USH2A: variants seen among roughly 807,000 people sequenced by gnomAD.
The protein encoded by USH2A is Usher syndrome 2A (autosomal recessive, mild).
A neutral mutation model predicts 538.9 loss-of-function variants in USH2A; 443 were observed. That is an observed-to-expected ratio of 0.82 (90% confidence interval 0.76 to 0.89). USH2A has a LOEUF of 0.89. Ranked by LOEUF, USH2A falls within the 40% of genes least tolerant of loss-of-function variation. The pLI is 0.00. For missense variants in USH2A, 6,633 were observed against 6,324.8 expected, an observed-to-expected ratio of 1.05 and a Z score of -1.65; for synonymous variants, 2,413 against 2,273.5, an observed-to-expected ratio of 1.06 and a Z score of -1.75.
chr1:216,057,890 T>G (rs886399867), intron 30 of USH2A, among the ~76,000 whole-genome samples: 5 of 152,118 alleles, frequency 3.3e-5, no homozygotes, highest in South Asian at 2.1e-4. Flanking sequence ...ATAAAAACAC[T>G]TTTTACCTGG....
At chr1:215,732,975 T>C (rs1460161104) in intron 60 of USH2A, among the ~76,000 whole-genome samples, 1 of 152,170 alleles carries the variant, frequency 6.6e-6, no homozygotes, top group Non-Finnish European at 1.5e-5. Context: ...ACCTCTTTTT[T>C]CTAATTTGTA....
At position 216,175,322 on chromosome 1, in the gene USH2A, T is replaced by A; in HGVS notation, c.4557A>T (p.Gly1519=). ...AATACCCATTTCCTATGAAACGGAT[T>A]CCTTTCATCATCGTGGTCATCAGAG... ...LPALMTTMMK[G]IRFIGNGYCK... Residue 1519 remains glycine (G), a synonymous_variant, in exon 21 of 72, where the codon GGA becomes GGT. Coordinates refer to ENST00000307340, the MANE Select transcript of USH2A (RefSeq NM_206933.4). 1 of 1,613,822 alleles carries A rather than the reference T, an allele frequency of 6.2e-7. No individual in the cohort carries two copies. The highest frequency in any genetic ancestry group is 1.3e-5 in the African/African-American group (1 of 75,032).
intron 40 of USH2A, among the ~76,000 whole-genome samples, chr1:215,897,163 G>C (rs1665368626): frequency 6.6e-6 from 1 of 152,106 alleles, no homozygotes; most frequent in South Asian, 2.1e-4. Flanking sequence ...CTCATTGCCT[G>C]CCTAGATTTC....
intron 21 of USH2A, among the ~76,000 whole-genome samples, chr1:216,151,821 C>T (rs544377116): frequency 2.8e-3 from 431 of 152,276 alleles, no homozygotes; most frequent in African/African-American, 9.5e-3. Context: ...CAAGTAATTA[C>T]GCTGAACCCC....
At chr1:216,368,813 T>G (rs977585593) in intron 3 of USH2A, among the ~76,000 whole-genome samples, 4 of 152,162 alleles carry the variant, frequency 2.6e-5, no homozygotes, top group Admixed American at 6.5e-5. Context: ...GTATAACGTA[T>G]TTTTGGACCT....
chr1:215,993,526 AC>A (rs1668056859), intron 34 of USH2A, among the ~76,000 whole-genome samples: 1 of 151,968 alleles, frequency 6.6e-6, no homozygotes, highest in Non-Finnish European at 1.5e-5. Flanking sequence ...ACACACACAC[AC>A]ACACACACAC....
Position 216,000,519 on chromosome 1 carries a change from G to A in USH2A, c.6369C>T (p.Cys2123=), listed in dbSNP as rs111033472. 2.9e-3 allele frequency: 4,744 copies of A among 1,613,642 alleles called. 89 individuals are homozygous for A. The African/African-American group carries it at 0.049, about 17-fold the overall frequency. Residue 2123 remains cysteine (C), a synonymous_variant, in exon 33 of 72, where the codon TGC becomes TGT. Coordinates refer to ENST00000307340, the MANE Select transcript of USH2A (RefSeq NM_206933.4). ...FTPHQFLLSA[C]THVGCTNSSW... is the part of the protein sequence containing the mutation. ...AACTGTTTGTACAGCCCACATGTGTGCATGCACTTAGTAGAAACTGGTGGG... is the reference window on the plus strand; with the variant it reads ...AACTGTTTGTACAGCCCACATGTGTACATGCACTTAGTAGAAACTGGTGGG...
At chr1:216,375,683 A>G (rs2038804296) in intron 3 of USH2A, among the ~76,000 whole-genome samples, 1 of 151,962 alleles carries the variant, frequency 6.6e-6, no homozygotes, top group African/African-American at 2.4e-5. Flanking sequence ...CCCTCAAGAA[A>G]TTTTCCTTTG....
intron 64 of USH2A, among the ~76,000 whole-genome samples, chr1:215,653,899 G>A (rs1324637788): frequency 6.6e-6 from 1 of 152,060 alleles, no homozygotes; most frequent in African/African-American, 2.4e-5. Flanking sequence ...ATCCCACATA[G>A]AAAACTTTTT....
At chr1:216,250,075 C>T (rs1209435831) in intron 12 of USH2A, among the ~76,000 whole-genome samples, 1 of 152,142 alleles carries the variant, frequency 6.6e-6, no homozygotes, top group East Asian at 1.9e-4. Context: ...CATCAGGAAA[C>T]TTTCCTCTCA....
At chr1:215,905,578 C>T (rs1019337686) in intron 38 of USH2A, among the ~76,000 whole-genome samples, 3 of 151,988 alleles carry the variant, frequency 2.0e-5, no homozygotes, top group African/African-American at 4.8e-5. Flanking sequence ...ATAAATGCTA[C>T]GGGGGACTCG....
chr1:215,832,982 T>C (rs918632690), intron 47 of USH2A, among the ~76,000 whole-genome samples: 1 of 151,870 alleles, frequency 6.6e-6, no homozygotes, highest in Non-Finnish European at 1.5e-5. Flanking sequence ...CCCAAATAAG[T>C]AATTAGGTAT....
At chr1:216,237,675 T>C (rs1285650088) in intron 13 of USH2A, among the ~76,000 whole-genome samples, 1 of 152,144 alleles carries the variant, frequency 6.6e-6, no homozygotes, top group Non-Finnish European at 1.5e-5. Context: ...TTGTGCATAT[T>C]AAATGAAAGT....
rs1345028142 is a variant in USH2A at position 216,275,152 on chromosome 1, T to C, written c.1971+14128A>G. Reference sequence around the variant, plus strand: ...CATTATTCTCTCTCTCTCTCTCTTTTTTTTTGGATGGTTTAGGTCTATTTC... The same window carrying C: ...CATTATTCTCTCTCTCTCTCTCTTTCTTTTTGGATGGTTTAGGTCTATTTC... On this transcript the variant is annotated intron_variant, in intron 11 of 71. Coordinates refer to ENST00000307340, the MANE Select transcript of USH2A (RefSeq NM_206933.4). Among the ~76,000 whole-genome samples the C allele has an allele frequency of 2.6e-5, 4 of 152,180 alleles. No homozygotes were observed. The East Asian group carries it at 5.8e-4, about 22-fold the overall frequency.
At chr1:215,978,842 T>C (rs1667681898) in intron 35 of USH2A, among the ~76,000 whole-genome samples, 1 of 152,180 alleles carries the variant, frequency 6.6e-6, no homozygotes, top group Non-Finnish European at 1.5e-5. Flanking sequence ...ATATGTGAAA[T>C]ACCTATGTCT....
chr1:216,329,537 G>A (rs1288050081), intron 4 of USH2A, among the ~76,000 whole-genome samples: 5 of 152,108 alleles, frequency 3.3e-5, no homozygotes, highest in African/African-American at 1.2e-4. Context: ...AGCTGGGCCT[G>A]TGTCCCGTTT....
chr1:216,190,240 C>G lies in USH2A; in HGVS notation c.4379G>C (p.Gly1460Ala). The G allele has an allele frequency of 6.2e-7, 1 of 1,612,318 alleles. No homozygotes were observed. Among genetic ancestry groups the G allele is most frequent in the Non-Finnish European group, 8.5e-7 (1 of 1,178,968 alleles). ...TTGCTTACCTGCTGCTAAAGTTTGT[C>G]CTGCTCCCGAAGCACTGGTCACACA... ...VGCVTSASGA[G>A]QTLAAAPAQL... is the part of the protein sequence containing the mutation. Residue 1460 changes from glycine to alanine, a missense_variant, in exon 20 of 72, where the codon GGA becomes GCA. Coordinates refer to ENST00000307340, the MANE Select transcript of USH2A (RefSeq NM_206933.4).
intron 58 of USH2A, among the ~76,000 whole-genome samples, chr1:215,754,280 C>T (rs536316274): frequency 3.6e-4 from 55 of 152,236 alleles, no homozygotes; most frequent in East Asian, 1.9e-4. Context: ...ATCAGTATCA[C>T]GGGTACTCTT....
intron 37 of USH2A, among the ~76,000 whole-genome samples, chr1:215,937,894 T>C (rs1666547252): frequency 6.6e-6 from 1 of 152,150 alleles, no homozygotes. Flanking sequence ...TTTGCTTGTT[T>C]GTTTGTTTTT....
Sources: gnomAD v4.1 joint callset for allele counts (sites outside exome capture counted in the v4.1 genomes callset) on GRCh38, gnomAD v4.1.1 for gene constraint, MANE v1.5 for transcripts, NCBI Gene and HGNC (gene_info 2026-07-23, HGNC 2026-07-21) for gene names.